The following AKAP17A variants were observed in gnomAD, a reference collection of about 807,000 sequenced individuals.
AKAP17A encodes A-kinase anchor protein 17A.
AKAP17A carries 15 observed loss-of-function variants against 52.2 expected under a neutral mutation model. The observed-to-expected ratio is 0.29, with a 90% CI of 0.19 to 0.44. AKAP17A has a LOEUF of 0.44. Among genes scored for constraint, AKAP17A ranks in the 20% least tolerant of loss-of-function variants. AKAP17A has a pLI of 1.00. For missense variants in AKAP17A, 1,060 were observed against 1,007.0 expected (o/e 1.05, Z -0.71); for synonymous variants, 514 against 424.7 (o/e 1.21, Z -2.58).
rs182830707 is a variant in AKAP17A at position 1,601,848 on chromosome X, T to C, written c.*254T>C. ...TTAAAACTTGATCCGATAGCTTTAA[T>C]GCGGCCGGTCCTCTCTCAGTCAGGA... is the stretch of plus-strand genomic sequence containing the variant. On this transcript the variant is annotated 3_prime_UTR_variant, in exon 5 of 5. Coordinates refer to ENST00000313871, the MANE Select transcript of AKAP17A (RefSeq NM_005088.3). The C allele has an allele frequency of 0.011, 4,577 of 399,806 alleles. 196 individuals are homozygous for C. Among genetic ancestry groups the C allele is most frequent in the African/African-American group, 0.086 (4,188 of 48,576 alleles). 24.8% of individuals were successfully genotyped at this position (399,806 alleles called of 1,614,324 possible). A position where few individuals can be genotyped will look rare whatever the true frequency, so the allele number is the denominator to read the frequency against.
chrX:1,598,904 G>T (rs1265486945), intron 3 of AKAP17A, among the ~76,000 whole-genome samples: 1 of 152,174 alleles, frequency 6.6e-6, no homozygotes, highest in Non-Finnish European at 1.5e-5. Flanking sequence ...CCTGACTGGG[G>T]GCGTGGCTTT....
chrX:1,598,948 G>A (rs775143663), intron 3 of AKAP17A, among the ~76,000 whole-genome samples: 3 of 152,156 alleles, frequency 2.0e-5, no homozygotes, highest in African/African-American at 7.2e-5. Flanking sequence ...TTTTCTTCGT[G>A]GTTTCAGGGT....
At chrX:1,598,992 G>C (rs1214553819) in intron 3 of AKAP17A, among the ~76,000 whole-genome samples, 200 bp from the exon 4 acceptor site, 5 of 152,164 alleles carry the variant, frequency 3.3e-5, no homozygotes, top group African/African-American at 9.7e-5. Context: ...GTGTTGGAAG[G>C]TCACGGAGGT....
chrX:1,598,058 CCTCACGTGTAA>C (rs765789504), intron 3 of AKAP17A, among the ~76,000 whole-genome samples: 167 of 152,302 alleles, frequency 1.1e-3, no homozygotes, highest in African/African-American at 3.9e-3. Flanking sequence ...CTTGTTCAGC[CCTCACGTGTAA>C]CTTTGAGCTT....
chrX:1,597,700 C>T (rs190028901), intron 3 of AKAP17A, among the ~76,000 whole-genome samples: 24 of 152,090 alleles, frequency 1.6e-4, no homozygotes, highest in African/African-American at 4.8e-4. Flanking sequence ...AAGCAGCTTG[C>T]GGGTGCGGAG....
At chrX:1,592,508 T>C (rs1932855594) in intron 1 of AKAP17A, among the ~76,000 whole-genome samples, 1 of 151,966 alleles carries the variant, frequency 6.6e-6, no homozygotes, top group African/African-American at 2.4e-5. Flanking sequence ...TTCACTGGTC[T>C]CTGTCCAGAC....
In AKAP17A at chrX:1,601,441, G is replaced by T; in HGVS notation, c.1935G>T (p.Arg645=). ...GCAGCACGAGCCCGGACCACACCCG[G>T]TCCCGGAGGTCCCACAGCAAAGACA... The part of the protein sequence containing the change: ...RRRSTSPDHT[R]SRRSHSKDRH... Residue 645 remains arginine (R), a synonymous_variant, in exon 5 of 5, where the codon CGG becomes CGT. Transcript: ENST00000313871. 1 of 1,572,114 alleles carries T rather than the reference G, an allele frequency of 6.4e-7. No homozygotes were observed. Among genetic ancestry groups the T allele is most frequent in the Non-Finnish European group, 8.6e-7 (1 of 1,166,752 alleles).
chrX:1,601,919 T>G lies in AKAP17A; in HGVS notation c.*325T>G. 3.2e-6 allele frequency: 1 copy of G among 315,846 alleles called. No individual in the cohort carries two copies. Among genetic ancestry groups the G allele is most frequent in the Non-Finnish European group, 5.8e-6 (1 of 172,946 alleles). 19.6% of individuals were successfully genotyped at this position (315,846 alleles called of 1,614,324 possible). On this transcript the variant is annotated 3_prime_UTR_variant, in exon 5 of 5. Transcript: ENST00000313871. ...CGTGAGGATGGCAGAGCTGCTGCAT[T>G]CCCCCACACGGGGATTTCTGTGTCT...
chrX:1,599,087 C>G (rs369766092), intron 3 of AKAP17A, 105 bp from the exon 4 acceptor site: 6 of 1,504,588 alleles, frequency 4.0e-6, no homozygotes, highest in Non-Finnish European at 5.4e-6. Context: ...AATGCTTAAT[C>G]GTTGGACCGT....
chrX:1,598,500 G>C (rs1933147724), intron 3 of AKAP17A, among the ~76,000 whole-genome samples: 1 of 152,172 alleles, frequency 6.6e-6, no homozygotes, highest in African/African-American at 2.4e-5. Flanking sequence ...AGGAACAGCT[G>C]CGACTTGTTC....
chrX:1,592,522 AG>A (rs1377472367), intron 1 of AKAP17A, among the ~76,000 whole-genome samples: 55 of 151,806 alleles, frequency 3.6e-4, no homozygotes, highest in Non-Finnish European at 6.2e-4. Context: ...TCCAGACTGG[AG>A]CCCCTCCCTG....
chrX:1,598,878 G>C (rs748376653), intron 3 of AKAP17A, among the ~76,000 whole-genome samples: 22 of 152,292 alleles, frequency 1.4e-4, no homozygotes, highest in African/African-American at 5.3e-4. Context: ...CCGTCCGTCT[G>C]CCCATCCGTC....
In AKAP17A at chrX:1,599,408, C is replaced by T. The variant is rs190594501; in HGVS notation, c.1128C>T (p.Ile376=). ...GGAACCTGCAGTCCATCCGGCTCATCGCCGAGCTGCTCAGCAGAGCCAAGG... is the reference window on the plus strand; with the variant it reads ...GGAACCTGCAGTCCATCCGGCTCATTGCCGAGCTGCTCAGCAGAGCCAAGG... ...AQRNLQSIRL[I]AELLSRAKAV... The change falls in exon 4 of 5, where the codon ATC becomes ATT. Residue 376 remains isoleucine (I), a synonymous_variant. Coordinates refer to ENST00000313871, the MANE Select transcript of AKAP17A (RefSeq NM_005088.3). 6.5e-4 allele frequency: 1,017 copies of T among 1,567,614 alleles called. 22 individuals carry two copies. In the East Asian group the frequency reaches 0.023, roughly 36 times the overall value.
intron 3 of AKAP17A, among the ~76,000 whole-genome samples, chrX:1,598,417 T>A (rs1278269601): frequency 2.0e-5 from 3 of 152,218 alleles, no homozygotes; most frequent in Admixed American, 2.0e-4. Flanking sequence ...CCCGGCGGGC[T>A]TTGTGGCCTC....
At position 1,593,691 on chromosome X, in the gene AKAP17A, A is replaced by C. The variant is rs1363434431; in HGVS notation, c.229A>C (p.Ile77Leu). ...TATTTCCAAGAGCACCATGGACTTCATCCGCTTCGAGGGGGAGGTGGAGAA... is the reference window on the plus strand; with the variant it reads ...TATTTCCAAGAGCACCATGGACTTCCTCCGCTTCGAGGGGGAGGTGGAGAA... ...LRISKSTMDF[I>L]RFEGEVENKS... The change falls in exon 2 of 5, where the codon ATC (isoleucine) becomes CTC (leucine). Residue 77 changes from isoleucine (I) to leucine (L), a missense_variant. Transcript: ENST00000313871. 6.2e-7 allele frequency: 1 copy of C among 1,613,948 alleles called. No individual in the cohort carries two copies. The highest frequency in any genetic ancestry group is 2.2e-5 in the East Asian group (1 of 44,886).
At chrX:1,591,874 C>T (rs7887702) in intron 1 of AKAP17A, 105 bp downstream of exon 1, 91,255 of 139,226 alleles carry the variant, frequency 0.66, 30,746 homozygotes, top group African/African-American at 0.81. Flanking sequence ...CGCCTAGGGG[C>T]CTCGGAGGTG....
intron 3 of AKAP17A, among the ~76,000 whole-genome samples, 163 bp from the exon 4 acceptor site, chrX:1,599,029 C>G (rs1207909968): frequency 6.6e-6 from 1 of 152,170 alleles, no homozygotes; most frequent in East Asian, 1.9e-4. Context: ...CCTTCCACCT[C>G]TCGGGCTGCT....
rs747967900 is a variant in AKAP17A, at chrX:1,601,565, A to G, written c.2059A>G (p.Ser687Gly). The change falls in exon 5 of 5, where the codon AGC (serine) becomes GGC (glycine). Residue 687 changes from serine to glycine, a missense_variant. Ser to Gly is a moderately conservative substitution (Grantham distance 56, BLOSUM62 0). Transcript: ENST00000313871. ...RSERSRSRSP[S>G]RHRSTWNR ...CGAGCGGTCGCGCTCCCGGTCCCCG[A>G]GCAGGCACCGCAGTACCTGGAACAG... 15 of 1,459,840 alleles carry G rather than the reference A, an allele frequency of 1.0e-5. No individual in the cohort carries two copies. In the East Asian group the frequency reaches 3.2e-4, roughly 31 times the overall value. The allele number at this position is 1,459,840 out of a possible 1,614,324, so 90.4% of individuals were successfully genotyped here. A position where few individuals can be genotyped will look rare whatever the true frequency, so the allele number is the denominator to read the frequency against.
At chrX:1,597,547 C>G (rs1369484885) in intron 3 of AKAP17A, among the ~76,000 whole-genome samples, 2 of 152,008 alleles carry the variant, frequency 1.3e-5, no homozygotes, top group Non-Finnish European at 2.9e-5. Context: ...GGAGACAGTC[C>G]TGGGGCGTTA....
Sources: gnomAD v4.1 joint callset for allele counts (sites outside exome capture counted in the v4.1 genomes callset) on GRCh38, gnomAD v4.1.1 for gene constraint, MANE v1.5 for transcripts, NCBI Gene and HGNC (gene_info 2026-07-23, HGNC 2026-07-21) for gene names.